The following GPR176 variants were observed in gnomAD, a reference collection of about 807,000 sequenced individuals.
The protein encoded by GPR176 is G-protein coupled receptor 176.
GPR176 carries 26 observed loss-of-function variants against 35.4 expected under a neutral mutation model. The observed-to-expected ratio is 0.74, with a 90% CI of 0.54 to 1.02. GPR176 has a LOEUF of 1.02. Among genes scored for constraint, GPR176 ranks in the 50% least tolerant of loss-of-function variants. The pLI is 0.00. For missense variants in GPR176, 597 were observed against 665.3 expected (o/e 0.90, Z 1.13); for synonymous variants, 278 against 271.3 (o/e 1.02, Z -0.24).
At chr15:39,848,953 GAA>G (rs2030654588) in intron 1 of GPR176, among the ~76,000 whole-genome samples, 1 of 145,322 alleles carries the variant, frequency 6.9e-6, no homozygotes, top group Admixed American at 6.8e-5. Flanking sequence ...AAAAAAAGCA[GAA>G]GAGAGGAAAT....
chr15:39,875,992 T>C (rs1437361611), intron 1 of GPR176, among the ~76,000 whole-genome samples: 4 of 150,158 alleles, frequency 2.7e-5, no homozygotes, highest in East Asian at 3.9e-4. Flanking sequence ...TTTAAATATA[T>C]ATATGTATTT....
chr15:39,827,566 G>A (rs915748032), intron 1 of GPR176, among the ~76,000 whole-genome samples: 3 of 152,218 alleles, frequency 2.0e-5, no homozygotes, highest in Non-Finnish European at 4.4e-5. Context: ...AGTTTTCAAG[G>A]TTACTCTGGG....
chr15:39,913,749 A>G (rs1486456815), intron 1 of GPR176, among the ~76,000 whole-genome samples: 1 of 152,188 alleles, frequency 6.6e-6, no homozygotes, highest in Non-Finnish European at 1.5e-5. Flanking sequence ...TGAATATGCT[A>G]AAAAACCATC....
chr15:39,801,031 C>T lies in GPR176; in HGVS notation c.*101G>A, dbSNP rs966039631. 4 of 979,720 alleles carry T rather than the reference C, an allele frequency of 4.1e-6. No homozygotes were observed. The highest frequency in any genetic ancestry group is 6.2e-6 in the Non-Finnish European group (4 of 648,514). 60.7% of individuals were successfully genotyped at this position (979,720 alleles called of 1,614,324 possible). ...CCCATATTGGAGGAATCAACTCACA[C>T]TGAGTTGCAAGGAGATCATACAATC... On this transcript the variant is annotated 3_prime_UTR_variant, in exon 3 of 3. Transcript: ENST00000561100.
At chr15:39,849,069 C>T (rs528016661) in intron 1 of GPR176, among the ~76,000 whole-genome samples, 72 of 151,990 alleles carry the variant, frequency 4.7e-4, no homozygotes, top group African/African-American at 1.4e-3. Flanking sequence ...ATTGATAGGT[C>T]CCCTAGCAAG....
intron 1 of GPR176, among the ~76,000 whole-genome samples, chr15:39,847,368 T>C (rs1391134848): frequency 6.6e-6 from 1 of 152,164 alleles, no homozygotes; most frequent in Non-Finnish European, 1.5e-5. Context: ...AACTACACGC[T>C]ATCTCCAAGA....
chr15:39,848,807 T>C (rs975317334), intron 1 of GPR176, among the ~76,000 whole-genome samples: 3 of 150,672 alleles, frequency 2.0e-5, no homozygotes, highest in African/African-American at 7.3e-5. Context: ...TTGTGGGACA[T>C]AGCTAAAGCA....
intron 1 of GPR176, among the ~76,000 whole-genome samples, chr15:39,850,227 A>C (rs77281272): frequency 0.012 from 1,881 of 152,238 alleles, 57 homozygotes; most frequent in African/African-American, 0.043. Flanking sequence ...TTTTAAAAAC[A>C]AAGTGAGTGA....
At chr15:39,898,674 G>A (rs550067563) in intron 1 of GPR176, among the ~76,000 whole-genome samples, 2 of 152,260 alleles carry the variant, frequency 1.3e-5, no homozygotes, top group East Asian at 3.9e-4. Flanking sequence ...GCCATGTAGG[G>A]GATGTCACTA....
chr15:39,870,572 A>G (rs1211918986), intron 1 of GPR176, among the ~76,000 whole-genome samples: 1 of 152,136 alleles, frequency 6.6e-6, no homozygotes, highest in Admixed American at 6.5e-5. Context: ...AAACTAACAA[A>G]ATGGAGAATT....
intron 1 of GPR176, among the ~76,000 whole-genome samples, chr15:39,837,966 ACATAC>A (rs958774264): frequency 6.7e-6 from 1 of 149,234 alleles, no homozygotes; most frequent in African/African-American, 2.5e-5. Context: ...CAGCCTGGCA[ACATAC>A]CAACACCCCA....
intron 1 of GPR176, among the ~76,000 whole-genome samples, chr15:39,886,643 G>C (rs1177720987): frequency 6.6e-6 from 1 of 152,152 alleles, no homozygotes; most frequent in African/African-American, 2.4e-5. Context: ...GGCACAAAAA[G>C]TGCTTACTCA....
rs537213781 is a variant in GPR176, at chr15:39,873,423, G to C, written c.172+46432C>G. ...TGGGAATGAGAAAGAGGAAGAGAGA[G>C]AAATCAAATATAACCAAAAATACCA... On this transcript the variant is annotated intron_variant, in intron 1 of 2. Transcript: ENST00000561100. Among the ~76,000 whole-genome samples, 5 of 152,256 alleles carry C rather than the reference G, an allele frequency of 3.3e-5. No individual in the cohort carries two copies. The East Asian group carries it at 9.7e-4, about 29-fold the overall frequency.
chr15:39,851,354 C>A (rs991496156), intron 1 of GPR176, among the ~76,000 whole-genome samples: 3 of 152,138 alleles, frequency 2.0e-5, no homozygotes, highest in Admixed American at 1.3e-4. Flanking sequence ...GTCACAAACT[C>A]TCAATTCCAT....
At chr15:39,881,117 C>G (rs1296011584) in intron 1 of GPR176, among the ~76,000 whole-genome samples, 1 of 152,120 alleles carries the variant, frequency 6.6e-6, no homozygotes, top group Non-Finnish European at 1.5e-5. Flanking sequence ...GCTCCCACCA[C>G]CCTGTCTATG....
chr15:39,811,873 G>A (rs950274729), intron 1 of GPR176, among the ~76,000 whole-genome samples: 5 of 149,936 alleles, frequency 3.3e-5, no homozygotes, highest in African/African-American at 7.4e-5. Flanking sequence ...CCGAGATTGC[G>A]CCATTGCACT....
intron 1 of GPR176, among the ~76,000 whole-genome samples, chr15:39,852,639 C>G (rs1188514461): frequency 6.6e-6 from 1 of 152,148 alleles, no homozygotes; most frequent in Admixed American, 6.6e-5. Flanking sequence ...CTTAGCCTAA[C>G]CAGCTATGCC....
intron 1 of GPR176, among the ~76,000 whole-genome samples, chr15:39,808,635 C>T (rs370194072): frequency 2.0e-5 from 3 of 152,182 alleles, no homozygotes; most frequent in Non-Finnish European, 4.4e-5. Flanking sequence ...CTCTCCATTT[C>T]ATGAAGAAAA....
chr15:39,847,015 A>G (rs1350996076), intron 1 of GPR176, among the ~76,000 whole-genome samples: 1 of 152,186 alleles, frequency 6.6e-6, no homozygotes, highest in East Asian at 1.9e-4. Context: ...GAAAGAGTAA[A>G]GGGACATAAA....
Sources: allele counts gnomAD v4.1 joint callset (sites outside exome capture counted in the v4.1 genomes callset), GRCh38; gene constraint gnomAD v4.1.1; transcripts MANE v1.5; gene names NCBI Gene and HGNC (gene_info 2026-07-23, HGNC 2026-07-21).